The following RBFOX3 variants were observed in gnomAD, a reference collection of about 807,000 sequenced individuals.
RBFOX3 encodes the protein RNA binding fox-1 homolog 3.
A neutral mutation model predicts 48.7 loss-of-function variants in RBFOX3; 17 were observed. That is an observed-to-expected ratio of 0.35 (90% CI 0.24 to 0.52). RBFOX3 has a LOEUF of 0.52. Among genes scored for constraint, RBFOX3 ranks in the 20% least tolerant of loss-of-function variants. RBFOX3 has a pLI of 0.94. For synonymous variants in RBFOX3, 212 were observed against 209.5 expected (o/e 1.01, Z -0.10); for missense variants, 382 against 497.5 (o/e 0.77, Z 2.21).
intron 4 of RBFOX3, among the ~76,000 whole-genome samples, chr17:79,160,920 C>T (rs2046839211): frequency 1.4e-5 from 2 of 145,634 alleles, no homozygotes; most frequent in South Asian, 4.3e-4. Context: ...GCAGAGGTTG[C>T]AATGAGCTGA....
At chr17:79,350,762 G>A (rs2083768884) in intron 2 of RBFOX3, among the ~76,000 whole-genome samples, 1 of 152,210 alleles carries the variant, frequency 6.6e-6, no homozygotes, top group Non-Finnish European at 1.5e-5. Context: ...GTGGCAGACA[G>A]GGCTCAGGCA....
chr17:79,658,289 C>G, the RBFOX3 span, among the ~76,000 whole-genome samples: 2 of 148,986 alleles, frequency 1.3e-5, no homozygotes, highest in Non-Finnish European at 3.0e-5. Flanking sequence ...CCTCCTCCTC[C>G]ACCCTTCCCT....
chr17:79,227,951 G>A (rs1418124476), intron 4 of RBFOX3, among the ~76,000 whole-genome samples: 2 of 152,180 alleles, frequency 1.3e-5, no homozygotes, highest in Non-Finnish European at 2.9e-5. Context: ...CCTTCTTTGT[G>A]GACCTCCCCC....
chr17:79,454,947 T>C (rs958546869), intron 2 of RBFOX3, among the ~76,000 whole-genome samples: 5 of 152,214 alleles, frequency 3.3e-5, no homozygotes, highest in East Asian at 1.9e-4. Flanking sequence ...CCACTCAGAC[T>C]GGGCTGCTAC....
intron 4 of RBFOX3, among the ~76,000 whole-genome samples, chr17:79,176,527 G>C (rs2050578867): frequency 6.6e-6 from 1 of 152,266 alleles, no homozygotes; most frequent in Non-Finnish European, 1.5e-5. Context: ...TGAAACCAAT[G>C]GCCATATTCC....
intron 2 of RBFOX3, among the ~76,000 whole-genome samples, chr17:79,472,679 C>T (rs372296704): frequency 1.3e-5 from 2 of 152,200 alleles, no homozygotes; most frequent in African/African-American, 2.4e-5. Context: ...GGCTGAGGGG[C>T]TTCACCATGG....
chr17:79,295,936 TA>T (rs2074264375), intron 3 of RBFOX3, among the ~76,000 whole-genome samples: 1 of 151,834 alleles, frequency 6.6e-6, no homozygotes, highest in African/African-American at 2.4e-5. Flanking sequence ...TGATGAGACT[TA>T]AATAATAGAT....
intron 5 of RBFOX3, among the ~76,000 whole-genome samples, chr17:79,115,240 C>T (rs1033337600): frequency 3.9e-5 from 6 of 152,230 alleles, no homozygotes; most frequent in East Asian, 3.9e-4. Flanking sequence ...CCTAGGTGCC[C>T]GGCCATTCCT....
chr17:79,536,978 G>A (rs1243641950), intron 1 of RBFOX3, among the ~76,000 whole-genome samples: 28 of 152,136 alleles, frequency 1.8e-4, no homozygotes, highest in African/African-American at 6.5e-4. Context: ...CCAGCTACTT[G>A]GGAGGCTGAG....
intron 2 of RBFOX3, among the ~76,000 whole-genome samples, chr17:79,315,511 G>A (rs572997948): frequency 1.1e-3 from 172 of 152,380 alleles, no homozygotes; most frequent in Admixed American, 6.7e-3. Flanking sequence ...GGTAGGGGAA[G>A]AGCGGTGTCT....
intron 2 of RBFOX3, among the ~76,000 whole-genome samples, chr17:79,331,506 C>A (rs566153723): frequency 1.3e-5 from 2 of 152,124 alleles, no homozygotes; most frequent in African/African-American, 2.4e-5. Flanking sequence ...GAGGCCTCTG[C>A]CCCCCCTGGA....
intron 4 of RBFOX3, among the ~76,000 whole-genome samples, chr17:79,189,199 C>G (rs550095791): frequency 1.3e-5 from 2 of 152,348 alleles, no homozygotes; most frequent in South Asian, 2.1e-4. Flanking sequence ...TTTCAAAGAG[C>G]CTTCATGTAT....
In RBFOX3 at chr17:79,094,245, A is replaced by G. The variant is rs957758004; in HGVS notation, c.1077+206T>C. 8 of 478,050 alleles carry G rather than the reference A, an allele frequency of 1.7e-5. No individual in the cohort carries two copies. In the South Asian group the frequency reaches 2.6e-4, roughly 16 times the overall value. 29.6% of individuals were successfully genotyped at this position (478,050 alleles called of 1,614,324 possible). A position where few individuals can be genotyped will look rare whatever the true frequency, so the allele number is the denominator to read the frequency against. Reference sequence around the variant, plus strand: ...GACCAGATGGTACGGTGGGCTGACCAGCCATTCAACCTGCTTCCCCGCAAC... The same window carrying G: ...GACCAGATGGTACGGTGGGCTGACCGGCCATTCAACCTGCTTCCCCGCAAC... On this transcript the variant is annotated intron_variant, in intron 14 of 14. Transcript: ENST00000693108.
chr17:79,309,778 G>T (rs1181414810), intron 2 of RBFOX3, among the ~76,000 whole-genome samples: 1 of 152,120 alleles, frequency 6.6e-6, no homozygotes, highest in Non-Finnish European at 1.5e-5. Context: ...AGAGCTGATG[G>T]TTTAAAAGTG....
At chr17:79,332,197 G>C (rs531118092) in intron 2 of RBFOX3, among the ~76,000 whole-genome samples, 1 of 152,162 alleles carries the variant, frequency 6.6e-6, no homozygotes, top group African/African-American at 2.4e-5. Context: ...GTCTGCTGCC[G>C]TCTGGGCTGG....
chr17:79,140,313 T>C (rs930423946), intron 4 of RBFOX3, among the ~76,000 whole-genome samples: 1 of 152,180 alleles, frequency 6.6e-6, no homozygotes, highest in African/African-American at 2.4e-5. Context: ...CATTTCCATC[T>C]CTCCACTCTG....
intron 2 of RBFOX3, among the ~76,000 whole-genome samples, chr17:79,414,839 C>T (rs938695725): frequency 3.9e-5 from 6 of 152,238 alleles, no homozygotes; most frequent in Non-Finnish European, 8.8e-5. Flanking sequence ...TCTTTCCATT[C>T]AGTCGGGAGG....
At chr17:79,273,135 C>G (rs2068042724) in intron 3 of RBFOX3, among the ~76,000 whole-genome samples, 1 of 151,968 alleles carries the variant, frequency 6.6e-6, no homozygotes, top group African/African-American at 2.4e-5. Context: ...AATCTAGCCA[C>G]CTGGTGGACG....
chr17:79,431,613 T>C (rs959164443), intron 2 of RBFOX3, among the ~76,000 whole-genome samples: 10 of 151,904 alleles, frequency 6.6e-5, no homozygotes, highest in East Asian at 1.9e-4. Context: ...GCCTCCTGAG[T>C]AGCTGGGATT....
Sources: allele counts gnomAD v4.1 joint callset (sites outside exome capture counted in the v4.1 genomes callset), GRCh38; gene constraint gnomAD v4.1.1; transcripts MANE v1.5; gene names NCBI Gene and HGNC (gene_info 2026-07-23, HGNC 2026-07-21).